The following RYR2 variants were observed in gnomAD, a reference collection of about 807,000 sequenced individuals.
RYR2 encodes the protein cardiac muscle ryanodine receptor-calcium release channel.
A neutral mutation model predicts 601.1 loss-of-function variants in RYR2; 227 were observed. That is an observed-to-expected ratio of 0.38 (90% confidence interval 0.34 to 0.42). The LOEUF is 0.42. Ranked by LOEUF, RYR2 falls within the 10% of genes least tolerant of loss-of-function variation. The pLI, the probability that RYR2 is intolerant of heterozygous loss-of-function variation, is 1.00. For synonymous variants in RYR2, 2,223 were observed against 2,175.1 expected, an observed-to-expected ratio of 1.02 and a Z score of -0.61; for missense variants, 4,646 against 6,156.5, an observed-to-expected ratio of 0.75 and a Z score of 8.21.
intron 27 of RYR2, among the ~76,000 whole-genome samples, chr1:237,552,650 T>C (rs1051913943): frequency 1.2e-4 from 19 of 152,174 alleles, no homozygotes; most frequent in African/African-American, 4.6e-4. Flanking sequence ...GTATTTTTTA[T>C]ATGTAGTTTC....
At chr1:237,473,749 T>C (rs1462332947) in intron 17 of RYR2, among the ~76,000 whole-genome samples, 1 of 152,112 alleles carries the variant, frequency 6.6e-6, no homozygotes, top group Non-Finnish European at 1.5e-5. Flanking sequence ...TTTTCTCTAA[T>C]GCTGGCAGAT....
At chr1:237,444,355 A>G (rs1410406329) in intron 13 of RYR2, among the ~76,000 whole-genome samples, 4 of 152,162 alleles carry the variant, frequency 2.6e-5, no homozygotes, top group African/African-American at 9.6e-5. Context: ...TAATCAGGGC[A>G]CTTAAGGCTA....
intron 12 of RYR2, among the ~76,000 whole-genome samples, chr1:237,425,565 C>T (rs185658776): frequency 2.5e-4 from 38 of 151,694 alleles, no homozygotes; most frequent in African/African-American, 8.7e-4. Context: ...ACTCGGGAGG[C>T]AGAGGATGCA....
At chr1:237,684,633 A>T (rs1445123092) in intron 62 of RYR2, among the ~76,000 whole-genome samples, 1 of 152,200 alleles carries the variant, frequency 6.6e-6, no homozygotes, top group Non-Finnish European at 1.5e-5. Flanking sequence ...AAGAGGTTAC[A>T]TTTGGTCAGG....
intron 7 of RYR2, among the ~76,000 whole-genome samples, 157 bp from the exon 8 acceptor site, chr1:237,377,166 T>C (rs971236676): frequency 6.6e-6 from 1 of 152,250 alleles, no homozygotes; most frequent in African/African-American, 2.4e-5. Context: ...TATTTTATCC[T>C]AAGCTAAGGC....
intron 17 of RYR2, among the ~76,000 whole-genome samples, chr1:237,479,134 G>A (rs545316762): frequency 1.7e-3 from 252 of 152,252 alleles, no homozygotes; most frequent in African/African-American, 5.7e-3. Context: ...ATCACAAAGT[G>A]TTTTGGTCTT....
chr1:237,634,555 TAATAAC>T, intron 43 of RYR2, among the ~76,000 whole-genome samples: 1 of 152,182 alleles, frequency 6.6e-6, no homozygotes, highest in Admixed American at 6.5e-5. Context: ...TGACTATAGT[TAATAAC>T]AATGTATAAT....
intron 62 of RYR2, among the ~76,000 whole-genome samples, chr1:237,684,225 C>T (rs1005796938): frequency 7.2e-5 from 11 of 152,204 alleles, no homozygotes; most frequent in Admixed American, 5.2e-4. Context: ...CATGAACCAC[C>T]GTGCCCGGCC....
chr1:237,430,211 C>T (rs1706662370), intron 12 of RYR2, among the ~76,000 whole-genome samples: 1 of 149,906 alleles, frequency 6.7e-6, no homozygotes, highest in African/African-American at 2.4e-5. Context: ...ATGTTATATG[C>T]ATAACAATAT....
chr1:237,105,278 G>T (rs1293402619), intron 1 of RYR2, among the ~76,000 whole-genome samples: 1 of 152,190 alleles, frequency 6.6e-6, no homozygotes, highest in Non-Finnish European at 1.5e-5. Context: ...TGGTGGGGAA[G>T]ACCTGTTGAA....
rs530635710 is a variant in RYR2 at position 237,441,775 on chromosome 1, G to A, written c.1170+292G>A. 2.0e-5 allele frequency among the ~76,000 whole-genome samples: 3 copies of A among 152,106 alleles called. No individual in the cohort carries two copies. The East Asian group carries it at 5.8e-4, about 29-fold the overall frequency. ...TAGTACCGTTCACTTTGTCCTCCAT[G>A]CTGTGACAAAGTCCGTTACTGACAT... On this transcript the variant is annotated intron_variant, in intron 13 of 104. Coordinates refer to ENST00000366574, the MANE Select transcript of RYR2 (RefSeq NM_001035.3).
At chr1:237,314,110 G>T (rs1477345412) in intron 2 of RYR2, among the ~76,000 whole-genome samples, 1 of 143,686 alleles carries the variant, frequency 7.0e-6, no homozygotes, top group African/African-American at 2.6e-5. Context: ...TGTTGCCCAG[G>T]CTGGAGTGCA....
intron 72 of RYR2, among the ~76,000 whole-genome samples, chr1:237,718,075 T>C (rs1689409729): frequency 6.6e-6 from 1 of 152,204 alleles, no homozygotes; most frequent in South Asian, 2.1e-4. Flanking sequence ...TGATTCTCAG[T>C]TGCATTTTCC....
chr1:237,385,864 A>C (rs1306799725), intron 8 of RYR2, among the ~76,000 whole-genome samples: 1 of 152,258 alleles, frequency 6.6e-6, no homozygotes, highest in Admixed American at 6.5e-5. Flanking sequence ...AACCTGTGTC[A>C]GGTAGCTTCT....
At chr1:237,510,610 C>T (rs1665788980) in intron 23 of RYR2, among the ~76,000 whole-genome samples, 1 of 152,108 alleles carries the variant, frequency 6.6e-6, no homozygotes, top group Non-Finnish European at 1.5e-5. Context: ...AACTTGGTGA[C>T]TGCTGAAGAC....
At chr1:237,370,147 A>G (rs1700524696) in intron 6 of RYR2, among the ~76,000 whole-genome samples, 1 of 151,798 alleles carries the variant, frequency 6.6e-6, no homozygotes, top group Admixed American at 6.6e-5. Flanking sequence ...ATATATGTGT[A>G]TATATGTAAA....
intron 1 of RYR2, among the ~76,000 whole-genome samples, chr1:237,237,895 C>T (rs567577727): frequency 6.6e-6 from 1 of 151,344 alleles, no homozygotes; most frequent in Admixed American, 6.6e-5. Flanking sequence ...CCTCTCCCCT[C>T]CCCTTTCCTT....
chr1:237,562,297 A>G (rs946069437), intron 27 of RYR2, among the ~76,000 whole-genome samples: 3 of 152,224 alleles, frequency 2.0e-5, no homozygotes, highest in African/African-American at 7.2e-5. Context: ...TAATACCAAT[A>G]ATTTTAAAAA....
chr1:237,684,076 C>T (rs12124472), intron 62 of RYR2, among the ~76,000 whole-genome samples: 9,582 of 151,908 alleles, frequency 0.063, 326 homozygotes, highest in African/African-American at 0.096. Context: ...TACAGGCACC[C>T]ACCACCATGC....
Sources: allele counts gnomAD v4.1 joint callset (sites outside exome capture counted in the v4.1 genomes callset), GRCh38; gene constraint gnomAD v4.1.1; transcripts MANE v1.5; gene names NCBI Gene and HGNC (gene_info 2026-07-23, HGNC 2026-07-21).